The following NFATC3 variants were observed in gnomAD, a reference collection of about 807,000 sequenced individuals.
The protein encoded by NFATC3 is nuclear factor of activated T cells 3.
Under a neutral mutation model 98.6 loss-of-function variants are expected in NFATC3, and 46 were observed. That is an observed-to-expected ratio of 0.47 (90% CI 0.37 to 0.60). The LOEUF (loss-of-function observed/expected upper bound fraction) is 0.60, where lower values mean the gene tolerates loss of function less well. Ranked by LOEUF, NFATC3 falls within the 20% of genes least tolerant of loss-of-function variation. NFATC3 has a pLI of 0.00. For missense variants in NFATC3, 1,256 were observed against 1,295.5 expected (o/e 0.97, Z 0.47); for synonymous variants, 512 against 472.2 (o/e 1.08, Z -1.09).
At chr16:68,166,081 C>T (rs1239005563) in intron 4 of NFATC3, among the ~76,000 whole-genome samples, 2 of 152,172 alleles carry the variant, frequency 1.3e-5, no homozygotes, top group Non-Finnish European at 2.9e-5. Flanking sequence ...TTAATAAATA[C>T]ATCACTATAA....
In NFATC3 at chr16:68,122,747, A is replaced by T. The variant is rs1372414481; in HGVS notation, c.864A>T (p.Ser288=). ...SAEVCYAGSL[S]PHHSPVPSPG... The stretch of plus-strand genomic sequence containing the variant: ...AAGTTTGTTATGCTGGGTCCCTTTC[A>T]CCCCATCACTCACCTGTTCCTTCAC... Residue 288 remains serine, a synonymous_variant, in exon 2 of 10, where the codon TCA becomes TCT. Coordinates refer to ENST00000346183, the MANE Select transcript of NFATC3 (RefSeq NM_173165.3). 1 of 1,613,872 alleles carries T rather than the reference A, an allele frequency of 6.2e-7. No individual in the cohort carries two copies. Among genetic ancestry groups the T allele is most frequent in the Non-Finnish European group, 8.5e-7 (1 of 1,179,970 alleles).
intron 3 of NFATC3, among the ~76,000 whole-genome samples, chr16:68,136,154 T>C (rs560385523): frequency 6.6e-6 from 1 of 152,364 alleles, no homozygotes; most frequent in Non-Finnish European, 1.5e-5. Flanking sequence ...GACAAAATGC[T>C]ACTTAAATTA....
At chr16:68,100,886 TCTG>T (rs1036895975) in intron 1 of NFATC3, among the ~76,000 whole-genome samples, 9 of 143,376 alleles carry the variant, frequency 6.3e-5, no homozygotes, top group African/African-American at 2.1e-4. Context: ...TTTTGAGAGT[TCTG>T]TGTGTGTGTG....
chr16:68,164,285 G>A (rs868659619), intron 4 of NFATC3, among the ~76,000 whole-genome samples: 5 of 152,320 alleles, frequency 3.3e-5, no homozygotes, highest in Middle Eastern at 6.8e-3. Flanking sequence ...GCCTGCAATC[G>A]CAGGCTGAGG....
At chr16:68,156,449 A>G (rs1219701112) in intron 3 of NFATC3, among the ~76,000 whole-genome samples, 1 of 152,256 alleles carries the variant, frequency 6.6e-6, no homozygotes, top group Non-Finnish European at 1.5e-5. Flanking sequence ...TTAGCAACCA[A>G]ATCCATCAGC....
At position 68,191,380 on chromosome 16, in the gene NFATC3, G is replaced by A; in HGVS notation, c.2711G>A (p.Gly904Asp). The stretch of plus-strand genomic sequence containing the variant: ...TCTCCAGTGGCTGACCAGATTACAG[G>A]TCAGCCTTCGTCTCAGTTACAACCT... ...LSSPVADQIT[G>D]QPSSQLQPIT... Residue 904 changes from glycine to aspartate, a missense_variant, in exon 9 of 10, where the codon GGT (glycine) becomes GAT (aspartate). This residue lies in a region of NFATC3 where 636 missense variants were observed against 617.3 expected (regional missense o/e 1.03). Coordinates refer to ENST00000346183, the MANE Select transcript of NFATC3 (RefSeq NM_173165.3). 6.2e-7 allele frequency: 1 copy of A among 1,614,162 alleles called. No homozygotes were observed. Among genetic ancestry groups the A allele is most frequent in the Non-Finnish European group, 8.5e-7 (1 of 1,180,026 alleles).
chr16:68,152,910 C>T (rs1461677910), intron 3 of NFATC3, among the ~76,000 whole-genome samples: 1 of 152,210 alleles, frequency 6.6e-6, no homozygotes, highest in Non-Finnish European at 1.5e-5. Flanking sequence ...TCACTTCACA[C>T]TACCGCTCAG....
At chr16:68,166,720 C>G in intron 4 of NFATC3, 123 bp from the exon 5 acceptor site, 4 of 722,872 alleles carry the variant, frequency 5.5e-6, no homozygotes, top group Non-Finnish European at 8.7e-6. Context: ...TCATACATAT[C>G]TTTCTTTTTT....
At chr16:68,103,797 A>T (rs991436701) in intron 1 of NFATC3, among the ~76,000 whole-genome samples, 4 of 152,092 alleles carry the variant, frequency 2.6e-5, no homozygotes, top group Admixed American at 6.6e-5. Context: ...TTGTTGAAGG[A>T]ACTATTCTTT....
intron 4 of NFATC3, among the ~76,000 whole-genome samples, chr16:68,164,271 G>A (rs923489550): frequency 1.5e-4 from 23 of 152,238 alleles, no homozygotes; most frequent in Non-Finnish European, 3.4e-4. Context: ...GTGTGGCGGC[G>A]TGCGCCTGCA....
At chr16:68,215,797 C>A (rs951550879) in intron 9 of NFATC3, among the ~76,000 whole-genome samples, 1 of 145,032 alleles carries the variant, frequency 6.9e-6, no homozygotes, top group Admixed American at 7.0e-5. Flanking sequence ...GTGCGATCTC[C>A]GCTCACTGCA....
At chr16:68,161,998 A>T (rs1021338488) in intron 4 of NFATC3, among the ~76,000 whole-genome samples, 1 of 152,160 alleles carries the variant, frequency 6.6e-6, no homozygotes, top group Admixed American at 6.5e-5. Flanking sequence ...TCCCTTCCTC[A>T]ACCAGATCTA....
chr16:68,119,890 A>G (rs1356913295), intron 1 of NFATC3, among the ~76,000 whole-genome samples: 2 of 152,140 alleles, frequency 1.3e-5, no homozygotes, highest in Non-Finnish European at 2.9e-5. Flanking sequence ...TTAAATGAAT[A>G]AGTTGAATCA....
chr16:68,124,579 C>T (rs780336998), intron 2 of NFATC3, among the ~76,000 whole-genome samples: 1 of 151,944 alleles, frequency 6.6e-6, no homozygotes, highest in African/African-American at 2.4e-5. Context: ...GGACTACAGG[C>T]GTCCGGCACC....
chr16:68,107,007 A>G (rs1567500352), intron 1 of NFATC3, among the ~76,000 whole-genome samples: 1 of 152,004 alleles, frequency 6.6e-6, no homozygotes, highest in Non-Finnish European at 1.5e-5. Flanking sequence ...AAGTGAGAAC[A>G]TGTGGTGTTT....
chr16:68,112,983 C>A (rs560743272), intron 1 of NFATC3, among the ~76,000 whole-genome samples: 43 of 152,230 alleles, frequency 2.8e-4, no homozygotes, highest in Non-Finnish European at 5.4e-4. Flanking sequence ...GTTAACAGCT[C>A]CTGTAATGTT....
At chr16:68,106,510 T>C (rs2035664193) in intron 1 of NFATC3, among the ~76,000 whole-genome samples, 1 of 152,038 alleles carries the variant, frequency 6.6e-6, no homozygotes, top group Admixed American at 6.6e-5. Context: ...CAGGCTGGTC[T>C]CAAACTCCTG....
At chr16:68,089,926 T>G (rs1381847772) in intron 1 of NFATC3, among the ~76,000 whole-genome samples, 3 of 152,218 alleles carry the variant, frequency 2.0e-5, no homozygotes, top group Non-Finnish European at 4.4e-5. Flanking sequence ...CTACTGTTTT[T>G]TCAAAGGGGA....
chr16:68,133,003 C>A (rs1298176969), intron 3 of NFATC3, among the ~76,000 whole-genome samples: 3 of 152,172 alleles, frequency 2.0e-5, no homozygotes, highest in African/African-American at 7.2e-5. Flanking sequence ...CAGTGGCTCA[C>A]ACCTGTAATC....
Sources: gnomAD v4.1 joint callset for allele counts (sites outside exome capture counted in the v4.1 genomes callset) on GRCh38, gnomAD v4.1.1 for gene constraint, gnomAD v4.1.1 regional missense constraint, MANE v1.5 for transcripts, NCBI Gene and HGNC (gene_info 2026-07-23, HGNC 2026-07-21) for gene names.